GDAP1: variants seen among roughly 807,000 people sequenced by gnomAD.
GDAP1 encodes the protein ganglioside-induced differentiation-associated protein 1.
A neutral mutation model predicts 40.1 loss-of-function variants in GDAP1; 34 were observed. The observed-to-expected ratio is 0.85, with a 90% CI of 0.64 to 1.13. The LOEUF (loss-of-function observed/expected upper bound fraction) is 1.13. Among genes scored for constraint, GDAP1 ranks in the 50% most tolerant of loss-of-function variants. GDAP1 has a pLI of 0.00. For synonymous variants in GDAP1, 170 were observed against 157.4 expected, an observed-to-expected ratio of 1.08 and a Z score of -0.60; for missense variants, 374 against 433.7, an observed-to-expected ratio of 0.86 and a Z score of 1.22.
At chr8:74,405,131 AAAGG>A (rs1224466326) in intron 2 of GDAP1, among the ~76,000 whole-genome samples, 1 of 149,990 alleles carries the variant, frequency 6.7e-6, no homozygotes, top group Non-Finnish European at 1.5e-5. Context: ...GGCAGAAGAG[AAAGG>A]AAGAGCAAAA....
chr8:74,357,136 G>A (rs188190324), intron 2 of GDAP1, among the ~76,000 whole-genome samples: 6 of 152,302 alleles, frequency 3.9e-5, no homozygotes, highest in African/African-American at 9.6e-5. Flanking sequence ...AAAATAAACA[G>A]CAAAGGGCTA....
chr8:74,402,232 G>T (rs1810356463), intron 2 of GDAP1, among the ~76,000 whole-genome samples: 1 of 150,550 alleles, frequency 6.6e-6, no homozygotes, highest in Non-Finnish European at 1.5e-5. Context: ...CGGCTGCTTT[G>T]TTTACCTAAG....
In GDAP1 at chr8:74,366,015, G is replaced by A. The variant is rs747545266; in HGVS notation, c.*1648G>A. 1.6e-5 allele frequency: 7 copies of A among 450,882 alleles called. No individual in the cohort carries two copies. The highest frequency in any genetic ancestry group is 4.7e-5 in the South Asian group (3 of 63,164). 27.9% of individuals were successfully genotyped at this position (450,882 alleles called of 1,614,324 possible). A position where few individuals can be genotyped will look rare whatever the true frequency, so the allele number is the denominator to read the frequency against. ...CTCTGTTAGAAACAAGAACTGAGTC[G>A]TGAAGAAATAAGAATTGGATTTTTA... On this transcript the variant is annotated 3_prime_UTR_variant, in exon 6 of 6. Coordinates refer to ENST00000220822, the MANE Select transcript of GDAP1 (RefSeq NM_018972.4).
chr8:74,350,602 G>A (rs1405145770), intron 1 of GDAP1, 24 bp downstream of exon 1: 5 of 1,411,378 alleles, frequency 3.5e-6, no homozygotes, highest in Non-Finnish European at 5.0e-6. Flanking sequence ...TGGCGGCGGA[G>A]GGTGGCGCGG....
intron 2 of GDAP1, among the ~76,000 whole-genome samples, chr8:74,476,457 G>A (rs150000246): frequency 1.1e-4 from 16 of 152,204 alleles, no homozygotes; most frequent in African/African-American, 3.9e-4. Context: ...TCTTTCAGGC[G>A]CTCTTGTAAG....
chr8:74,384,617 A>C (rs1018825172), intron 2 of GDAP1, among the ~76,000 whole-genome samples: 1 of 152,230 alleles, frequency 6.6e-6, no homozygotes, highest in African/African-American at 2.4e-5. Context: ...TCAAGTTTAC[A>C]GAGAAACCCC....
At chr8:74,362,061 A>C (rs1809395184) in intron 4 of GDAP1, 83 bp downstream of exon 4, 25 of 792,882 alleles carry the variant, frequency 3.2e-5, no homozygotes, top group Middle Eastern at 4.4e-4. Context: ...TATTTCTAGA[A>C]TATCTTCTTT....
intron 2 of GDAP1, among the ~76,000 whole-genome samples, chr8:74,464,770 G>A (rs1264347796): frequency 6.6e-6 from 1 of 152,116 alleles, no homozygotes; most frequent in Admixed American, 6.5e-5. Context: ...GGACAGTCAT[G>A]CCATATTTAG....
chr8:74,373,227 C>T (rs1371058767), intron 2 of GDAP1, among the ~76,000 whole-genome samples: 2 of 152,206 alleles, frequency 1.3e-5, no homozygotes, highest in East Asian at 3.9e-4. Context: ...TTAGGATTGA[C>T]TTGGCAATGC....
At chr8:74,462,123 C>T (rs1236755902) in intron 2 of GDAP1, among the ~76,000 whole-genome samples, 1 of 152,106 alleles carries the variant, frequency 6.6e-6, no homozygotes, top group East Asian at 1.9e-4. Context: ...ATTATTTTAA[C>T]ACATAAAGAT....
At chr8:74,354,234 G>GT (rs1477023317) in intron 2 of GDAP1, among the ~76,000 whole-genome samples, 1 of 152,102 alleles carries the variant, frequency 6.6e-6, no homozygotes, top group Non-Finnish European at 1.5e-5. Context: ...GTACACCACT[G>GT]TAAGTACCAT....
At chr8:74,393,996 A>G (rs951510261) in intron 2 of GDAP1, among the ~76,000 whole-genome samples, 13 of 152,246 alleles carry the variant, frequency 8.5e-5, no homozygotes, top group African/African-American at 3.1e-4. Flanking sequence ...ATGACTTTCT[A>G]TGGAAAAATG....
At position 74,365,861 on chromosome 8, in the gene GDAP1, A is replaced by G. The variant is rs1010460031; in HGVS notation, c.*1494A>G. 1 of 454,290 alleles carries G rather than the reference A, an allele frequency of 2.2e-6. No individual in the cohort carries two copies. Among genetic ancestry groups the G allele is most frequent in the African/African-American group, 2.0e-5 (1 of 50,018 alleles). The allele number at this position is 454,290 out of a possible 1,614,324, so 28.1% of individuals were successfully genotyped here. On this transcript the variant is annotated 3_prime_UTR_variant, in exon 6 of 6. Coordinates refer to ENST00000220822, the MANE Select transcript of GDAP1 (RefSeq NM_018972.4). ...TGAGTAGCAGCTTTTATAACATTTA[A>G]AATTTGCACATGAGTGTGTTGTCAT... is the stretch of plus-strand genomic sequence containing the variant.
chr8:74,405,064 G>C (rs1249465650), intron 2 of GDAP1, among the ~76,000 whole-genome samples: 1 of 150,056 alleles, frequency 6.7e-6, no homozygotes, highest in East Asian at 1.9e-4. Flanking sequence ...AATTTATAAA[G>C]AAAAAGAGGT....
intron 2 of GDAP1, among the ~76,000 whole-genome samples, chr8:74,477,597 C>G (rs1399615668): frequency 6.6e-6 from 1 of 152,106 alleles, no homozygotes; most frequent in East Asian, 1.9e-4. Context: ...TTCTCTAACC[C>G]TGGGGTACTG....
chr8:74,389,295 T>G (rs1339283610), intron 2 of GDAP1, among the ~76,000 whole-genome samples: 1 of 152,206 alleles, frequency 6.6e-6, no homozygotes. Flanking sequence ...TTTTGGTATA[T>G]TTTTGCAGTG....
intron 2 of GDAP1, among the ~76,000 whole-genome samples, chr8:74,472,397 T>A (rs117363003): frequency 0.057 from 8,737 of 152,276 alleles, 389 homozygotes; most frequent in African/African-American, 0.12. Context: ...GCAATGAACA[T>A]AGGGATGCAT....
At chr8:74,447,476 G>A (rs1806245501) in intron 2 of GDAP1, among the ~76,000 whole-genome samples, 1 of 152,078 alleles carries the variant, frequency 6.6e-6, no homozygotes, top group South Asian at 2.1e-4. Flanking sequence ...TTTGAGTGCC[G>A]ATGTGACGCC....
chr8:74,471,612 G>A (rs1806557566), intron 2 of GDAP1, among the ~76,000 whole-genome samples: 1 of 151,932 alleles, frequency 6.6e-6, no homozygotes, highest in Non-Finnish European at 1.5e-5. Context: ...ACATATACTG[G>A]TGAGACCATT....
Sources: gnomAD v4.1 joint callset for allele counts (sites outside exome capture counted in the v4.1 genomes callset) on GRCh38, gnomAD v4.1.1 for gene constraint, MANE v1.5 for transcripts, NCBI Gene and HGNC (gene_info 2026-07-23, HGNC 2026-07-21) for gene names.